The following MAP3K19 variants were observed in gnomAD, a reference collection of about 807,000 sequenced individuals.
The protein encoded by MAP3K19 is mitogen-activated protein kinase kinase kinase 19, also known as SPS1/STE20-related protein kinase YSK4.
Under a neutral mutation model 114.4 loss-of-function variants are expected in MAP3K19, and 91 were observed. That is an observed-to-expected ratio of 0.80 (90% CI 0.67 to 0.95). The LOEUF (loss-of-function observed/expected upper bound fraction) is 0.95. Ranked by LOEUF, MAP3K19 falls within the 40% of genes least tolerant of loss-of-function variation. The pLI is 0.00. For missense variants in MAP3K19, 1,471 were observed against 1,573.2 expected, an observed-to-expected ratio of 0.94 and a Z score of 1.10; for synonymous variants, 518 against 530.5, an observed-to-expected ratio of 0.98 and a Z score of 0.32.
chr2:135,003,679 C>T (rs762050843), intron 6 of MAP3K19, among the ~76,000 whole-genome samples: 2 of 152,062 alleles, frequency 1.3e-5, no homozygotes, highest in East Asian at 1.9e-4. Context: ...CTCAGCCTCC[C>T]GAGTAGCTGG....
rs116986087 is a variant in MAP3K19 at position 134,988,041 on chromosome 2, G to A, written c.831C>T (p.Leu277=). Residue 277 remains leucine, a synonymous_variant, in exon 10 of 13, where the codon CTC becomes CTT. Transcript: ENST00000392915. ...ACCAAATGAAGCCATCAGAAGACCT[G>A]AGAGTCGGATCCATCAACGACTTAA... ...ALVKSLMDPT[L]RSSDGFIWSR... is the part of the protein sequence containing the mutation. The A allele has an allele frequency of 2.5e-6, 4 of 1,613,936 alleles. No individual in the cohort carries two copies. In the East Asian group the frequency reaches 8.9e-5, roughly 36 times the overall value.
In MAP3K19 at chr2:134,988,043, G is replaced by C; in HGVS notation, c.829C>G (p.Leu277Val). 1.9e-6 allele frequency: 3 copies of C among 1,613,888 alleles called. No individual in the cohort carries two copies. Among genetic ancestry groups the C allele is most frequent in the Non-Finnish European group, 2.5e-6 (3 of 1,179,870 alleles). The change falls in exon 10 of 13, where the codon CTC (leucine) becomes GTC (valine). Residue 277 changes from leucine (L) to valine (V), a missense_variant. Coordinates refer to ENST00000392915, the MANE Select transcript of MAP3K19 (RefSeq NM_025052.5). ...ALVKSLMDPT[L>V]RSSDGFIWSR... is the part of the protein sequence containing the mutation. ...CAAATGAAGCCATCAGAAGACCTGA[G>C]AGTCGGATCCATCAACGACTTAACT...
intron 8 of MAP3K19, 27 bp from the exon 9 acceptor site, chr2:134,991,607 T>C (rs1286753432): frequency 6.3e-7 from 1 of 1,587,692 alleles, no homozygotes; most frequent in Non-Finnish European, 8.6e-7. Context: ...AATAACTGGA[T>C]ATTCTTAGTA....
chr2:134,981,066 C>T lies in MAP3K19; in HGVS notation c.3675G>A (p.Lys1225=), dbSNP rs573931043. 1.8e-5 allele frequency: 29 copies of T among 1,614,250 alleles called. No individual in the cohort carries two copies. The South Asian group carries it at 2.0e-4, about 11-fold the overall frequency. The change falls in exon 12 of 13, where the codon AAG becomes AAA. Residue 1225 remains lysine, a synonymous_variant. Transcript: ENST00000392915. ...GLNGTHSDML[K]SMHGTPYWMA... ...TCCAATATGGAGTCCCATGCATGGACTTAAGCATGTCACTGTGGGTGCCAT... is the reference window on the plus strand; with the variant it reads ...TCCAATATGGAGTCCCATGCATGGATTTAAGCATGTCACTGTGGGTGCCAT...
Position 134,981,295 on chromosome 2 carries a change from G to C in MAP3K19, c.3446C>G (p.Ser1149Cys). The stretch of plus-strand genomic sequence containing the variant: ...TGGCCCAAAACGGTTTATAATACTA[G>C]AGATTGAGCCACCAGGAACAAACTC... ...FMEFVPGGSI[S>C]SIINRFGPLP... Residue 1149 changes from serine to cysteine, a missense_variant, in exon 12 of 13, where the codon TCT (serine) becomes TGT (cysteine). Coordinates refer to ENST00000392915, the MANE Select transcript of MAP3K19 (RefSeq NM_025052.5). 2 of 1,614,202 alleles carry C rather than the reference G, an allele frequency of 1.2e-6. 1 individual carries two copies. Among genetic ancestry groups the C allele is most frequent in the South Asian group, 2.2e-5 (2 of 91,090 alleles).
At position 134,988,058 on chromosome 2, in the gene MAP3K19, A is replaced by G. The variant is rs1685294625; in HGVS notation, c.814T>C (p.Leu272=). ...NEPPGALVKS[L]MDPTLRSSDG... is the part of the protein sequence containing the mutation. ...GAAGACCTGAGAGTCGGATCCATCA[A>G]CGACTTAACTAGGGCTCCCGGAGGC... The change falls in exon 10 of 13, where the codon TTG becomes CTG. Residue 272 remains leucine, a synonymous_variant. Transcript: ENST00000392915. 2 of 1,613,782 alleles carry G rather than the reference A, an allele frequency of 1.2e-6. No individual in the cohort carries two copies. The highest frequency in any genetic ancestry group is 1.7e-6 in the Non-Finnish European group (2 of 1,179,828).
At chr2:135,033,425 T>C (rs1188915170) in intron 2 of MAP3K19, among the ~76,000 whole-genome samples, 1 of 100,726 alleles carries the variant, frequency 9.9e-6, no homozygotes, top group African/African-American at 5.3e-5. Context: ...GAGGGGATCC[T>C]CACTTCCCAG....
chr2:135,022,960 T>G (rs1413944187), intron 4 of MAP3K19, among the ~76,000 whole-genome samples: 1 of 152,136 alleles, frequency 6.6e-6, no homozygotes, highest in East Asian at 1.9e-4. Flanking sequence ...GACTCCCAGT[T>G]TGTACCCTAG....
At chr2:135,033,392 C>T (rs1163638579) in intron 2 of MAP3K19, among the ~76,000 whole-genome samples, 2 of 117,164 alleles carry the variant, frequency 1.7e-5, no homozygotes, top group Admixed American at 8.3e-5. Flanking sequence ...ACTGCCCTCC[C>T]GGACGGGGCG....
At chr2:135,031,155 AT>A (rs1348853220) in intron 2 of MAP3K19, among the ~76,000 whole-genome samples, 3 of 134,456 alleles carry the variant, frequency 2.2e-5, no homozygotes, top group South Asian at 2.6e-4. Context: ...ACAGAGACAT[AT>A]TTAAAAAAAA....
At chr2:135,012,973 T>A (rs1201130175) in intron 5 of MAP3K19, among the ~76,000 whole-genome samples, 1 of 152,090 alleles carries the variant, frequency 6.6e-6, no homozygotes, top group Non-Finnish European at 1.5e-5. Flanking sequence ...GTTTGTATGT[T>A]TGTTTGAATA....
rs560574082 is a variant in MAP3K19 at position 134,992,540 on chromosome 2, A to G, written c.575-960T>C. ...TTCACAGAAATGGATGATGTGGGAC[A>G]GGAAGACACAGCAGTAAATCGAGAT... On this transcript the variant is annotated intron_variant, in intron 8 of 12. Coordinates refer to ENST00000392915, the MANE Select transcript of MAP3K19 (RefSeq NM_025052.5). 9.2e-5 allele frequency among the ~76,000 whole-genome samples: 14 copies of G among 152,350 alleles called. No homozygotes were observed. In the South Asian group the frequency reaches 2.7e-3, roughly 29 times the overall value.
intron 5 of MAP3K19, among the ~76,000 whole-genome samples, chr2:135,017,554 G>C (rs116589686): frequency 0.015 from 2,289 of 152,254 alleles, 26 homozygotes; most frequent in Middle Eastern, 0.048. Context: ...TAGTGATGTA[G>C]TTACACAGAG....
chr2:134,986,695 G>T lies in MAP3K19; in HGVS notation c.2177C>A (p.Pro726Gln), dbSNP rs745787972. 4.3e-6 allele frequency: 7 copies of T among 1,614,062 alleles called. No individual in the cohort carries two copies. The highest frequency in any genetic ancestry group is 5.9e-6 in the Non-Finnish European group (7 of 1,180,004). Residue 726 changes from proline (P) to glutamine (Q), a missense_variant, in exon 10 of 13, where the codon CCA (proline) becomes CAA (glutamine). Coordinates refer to ENST00000392915, the MANE Select transcript of MAP3K19 (RefSeq NM_025052.5). Reference sequence around the variant, plus strand: ...TTGTTTAATGCCAAATGAAGTCTTTGGGCATTTCATATGTGTTTTTTTCTG... The same window carrying T: ...TTGTTTAATGCCAAATGAAGTCTTTTGGCATTTCATATGTGTTTTTTTCTG... ...LSQKKTHMKC[P>Q]KTSFGIKQEH...
intron 12 of MAP3K19, among the ~76,000 whole-genome samples, chr2:134,966,616 G>A (rs952862546): frequency 2.6e-5 from 4 of 152,146 alleles, no homozygotes; most frequent in Non-Finnish European, 4.4e-5. Flanking sequence ...TAGAGGTTGG[G>A]AACTTGGGTG....
intron 5 of MAP3K19, among the ~76,000 whole-genome samples, chr2:135,011,046 C>A (rs1481402219): frequency 6.6e-6 from 1 of 152,040 alleles, no homozygotes; most frequent in African/African-American, 2.4e-5. Flanking sequence ...TATTTGTAAA[C>A]TATAAAAACC....
At chr2:135,037,407 A>T (rs554722427) in intron 2 of MAP3K19, among the ~76,000 whole-genome samples, 1 of 152,292 alleles carries the variant, frequency 6.6e-6, no homozygotes, top group African/African-American at 2.4e-5. Flanking sequence ...TGCTGCTTGG[A>T]GTTCTGTTGA....
In MAP3K19 at chr2:135,000,026, A is replaced by G. The variant is rs536751128; in HGVS notation, c.236-11T>C. The G allele has an allele frequency of 4.5e-6, 7 of 1,560,064 alleles. No homozygotes were observed. The highest frequency in any genetic ancestry group is 6.2e-6 in the Non-Finnish European group (7 of 1,131,014). The stretch of plus-strand genomic sequence containing the variant: ...CAGTGATCTCAACACCTGTAGAAAC[A>G]TACCACAGTAGTAGAAGGAAGAAAG... On this transcript the variant is annotated splice_polypyrimidine_tract_variant and intron_variant, in intron 6 of 12. Coordinates refer to ENST00000392915, the MANE Select transcript of MAP3K19 (RefSeq NM_025052.5).
chr2:135,034,872 G>A (rs1331940383), intron 2 of MAP3K19, among the ~76,000 whole-genome samples: 1 of 119,624 alleles, frequency 8.4e-6, no homozygotes, highest in African/African-American at 3.0e-5. Flanking sequence ...AGAGGGAGAG[G>A]GAGAGGGAGA....
Sources: gnomAD v4.1 joint callset for allele counts (sites outside exome capture counted in the v4.1 genomes callset) on GRCh38, gnomAD v4.1.1 for gene constraint, MANE v1.5 for transcripts, NCBI Gene and HGNC (gene_info 2026-07-23, HGNC 2026-07-21) for gene names.